The following PLEKHA6 variants were observed in gnomAD, a reference collection of about 807,000 sequenced individuals.
PLEKHA6 encodes pleckstrin homology domain containing A6.
A neutral mutation model predicts 116.7 loss-of-function variants in PLEKHA6; 60 were observed. That is an observed-to-expected ratio of 0.51 (90% confidence interval 0.42 to 0.64). The LOEUF (loss-of-function observed/expected upper bound fraction) is 0.64, where lower values mean the gene tolerates loss of function less well. Among genes scored for constraint, PLEKHA6 ranks in the 30% least tolerant of loss-of-function variants. PLEKHA6 has a pLI of 0.00. For missense variants in PLEKHA6, 1,338 were observed against 1,422.7 expected (o/e 0.94, Z 0.96); for synonymous variants, 489 against 556.1 (o/e 0.88, Z 1.70).
intron 1 of PLEKHA6, among the ~76,000 whole-genome samples, chr1:204,349,681 C>T (rs1572219413): frequency 6.6e-6 from 1 of 152,220 alleles, no homozygotes; most frequent in East Asian, 1.9e-4. Flanking sequence ...GGACTTGCTG[C>T]TTCTGGCCCT....
At position 204,228,060 on chromosome 1, in the gene PLEKHA6, G is replaced by C. The variant is rs1660612387; in HGVS notation, c.3031+23C>G. On this transcript the variant is annotated intron_variant, in intron 21 of 22. Transcript: ENST00000272203. This position sits in a 1 kb window ranked among gnomAD's most constrained non-coding sequence, Gnocchi z 4.0. ...GTCAGCTGGTTTCCCTGGCAGGGTG[G>C]AGCGAGGCCCAGCCCCTCTCACCAG... is the stretch of plus-strand genomic sequence containing the variant. 1 of 1,607,762 alleles carries C rather than the reference G, an allele frequency of 6.2e-7. No homozygotes were observed. Among genetic ancestry groups the C allele is most frequent in the Non-Finnish European group, 8.5e-7 (1 of 1,177,426 alleles).
chr1:204,260,763 C>T (rs890789691), intron 7 of PLEKHA6, among the ~76,000 whole-genome samples: 7 of 152,166 alleles, frequency 4.6e-5, no homozygotes, highest in Admixed American at 4.6e-4. Context: ...TGGGTGACGG[C>T]GGGCGATGGG....
rs1341352870 is a variant in PLEKHA6 at position 204,248,802 on chromosome 1, AC to A, written c.1824+18del. On this transcript the variant is annotated intron_variant, in intron 12 of 22. Coordinates refer to ENST00000272203, the MANE Select transcript of PLEKHA6 (RefSeq NM_014935.5). The stretch of plus-strand genomic sequence containing the variant: ...AGTGCTGATGAGGTGGGGTGCACGA[AC>A]CCCGCTCCCTGGGTTACCGTGGTCG... The A allele has an allele frequency of 3.7e-6, 6 of 1,611,086 alleles. No individual in the cohort carries two copies. The highest frequency in any genetic ancestry group is 5.1e-6 in the Non-Finnish European group (6 of 1,178,930).
chr1:204,315,517 A>G (rs955431203), intron 1 of PLEKHA6, among the ~76,000 whole-genome samples: 9 of 152,344 alleles, frequency 5.9e-5, no homozygotes, highest in African/African-American at 2.2e-4. Flanking sequence ...AGGGGAAGGC[A>G]GGTGGACACC....
intron 12 of PLEKHA6, among the ~76,000 whole-genome samples, chr1:204,248,399 C>G (rs1254753221): frequency 6.7e-6 from 1 of 148,318 alleles, no homozygotes; most frequent in Non-Finnish European, 1.5e-5. Context: ...GGTGATCCAC[C>G]CGCCTTGGCC....
chr1:204,228,525 T>C lies in PLEKHA6; in HGVS notation c.2885+203A>G, dbSNP rs1018331317. On this transcript the variant is annotated intron_variant, in intron 20 of 22. Transcript: ENST00000272203. The surrounding 1 kb of genome is among the most constrained non-coding windows in gnomAD (Gnocchi z 4.0). ...TCAGTTTTGTCTCGATGGTGTGGTG[T>C]GCACGAGCCTGGCAGGTCTTAGTAG... 6.6e-6 allele frequency among the ~76,000 whole-genome samples: 1 copy of C among 152,114 alleles called. No homozygotes were observed. Among genetic ancestry groups the C allele is most frequent in the African/African-American group, 2.4e-5 (1 of 41,404 alleles).
At chr1:204,252,707 C>T (rs773727970) in intron 9 of PLEKHA6, among the ~76,000 whole-genome samples, 18 of 152,212 alleles carry the variant, frequency 1.2e-4, no homozygotes, top group African/African-American at 3.6e-4. Context: ...TTTTAGGCAG[C>T]GGCCCACATA....
chr1:204,299,230 G>A (rs1306812525), intron 1 of PLEKHA6, among the ~76,000 whole-genome samples: 1 of 152,220 alleles, frequency 6.6e-6, no homozygotes, highest in Non-Finnish European at 1.5e-5. Context: ...CACATGGTTG[G>A]TATGAGGAAG....
At chr1:204,372,620 G>A (rs1038382096) in intron 1 of PLEKHA6, among the ~76,000 whole-genome samples, 3 of 151,968 alleles carry the variant, frequency 2.0e-5, no homozygotes, top group South Asian at 2.1e-4. Flanking sequence ...ATGAGATATC[G>A]AATAAACGCC....
chr1:204,248,720 C>T, intron 12 of PLEKHA6, 101 bp downstream of exon 12: 2 of 1,105,870 alleles, frequency 1.8e-6, no homozygotes, highest in Non-Finnish European at 2.6e-6. Context: ...AGCTCTTGTC[C>T]TCTGAGGAAA....
intron 9 of PLEKHA6, 22 bp from the exon 10 acceptor site, chr1:204,250,636 T>A (rs1242699215): frequency 6.3e-7 from 1 of 1,581,034 alleles, no homozygotes; most frequent in Admixed American, 1.7e-5. Flanking sequence ...TGAGGCCGGT[T>A]ACTGCAGCAG....
chr1:204,354,870 G>A (rs748532891), intron 1 of PLEKHA6, among the ~76,000 whole-genome samples: 18 of 152,254 alleles, frequency 1.2e-4, no homozygotes, highest in Non-Finnish European at 1.9e-4. Context: ...GCACACGGCC[G>A]TGCAGGGGCG....
chr1:204,235,001 T>G (rs1217266933), intron 17 of PLEKHA6, among the ~76,000 whole-genome samples: 1 of 23,616 alleles, frequency 4.2e-5, no homozygotes, highest in Non-Finnish European at 7.5e-5. Context: ...TATATATATA[T>G]ATATATATAT....
At chr1:204,296,304 C>G (rs1025591153) in intron 1 of PLEKHA6, among the ~76,000 whole-genome samples, 1 of 152,076 alleles carries the variant, frequency 6.6e-6, no homozygotes. Flanking sequence ...ATTTCTCTTT[C>G]CTCTCACACA....
chr1:204,265,107 G>C, intron 5 of PLEKHA6, 65 bp from the exon 6 acceptor site: 1 of 1,105,924 alleles, frequency 9.0e-7, no homozygotes, highest in Non-Finnish European at 1.4e-6. Context: ...GTGCGCCAGG[G>C]GTGGGGAGGA....
intron 1 of PLEKHA6, among the ~76,000 whole-genome samples, chr1:204,340,995 C>G (rs1040517880): frequency 6.6e-6 from 1 of 152,196 alleles, no homozygotes; most frequent in African/African-American, 2.4e-5. Context: ...ACTCTTCTCC[C>G]AGGGATGTGG....
intron 13 of PLEKHA6, among the ~76,000 whole-genome samples, chr1:204,246,836 A>T (rs977569171): frequency 4.6e-5 from 7 of 152,138 alleles, no homozygotes; most frequent in Admixed American, 2.6e-4. Context: ...TTATATTTAC[A>T]CGTCTGTTTT....
chr1:204,368,620 C>G (rs1323246379), intron 2 of PLEKHA6: 1 of 152,514 alleles, frequency 6.6e-6, no homozygotes, highest in African/African-American at 2.4e-5. Flanking sequence ...TCATCCTGCT[C>G]GCTCTCCCAA....
intron 1 of PLEKHA6, among the ~76,000 whole-genome samples, chr1:204,308,691 T>TTCTTTTC (rs1450576362): frequency 1.0e-5 from 1 of 96,016 alleles, no homozygotes; most frequent in African/African-American, 4.0e-5. Flanking sequence ...CTTTTTCTTT[T>TTCTTTTC]TTTTTTTTTT....
Sources: allele counts gnomAD v4.1 joint callset (sites outside exome capture counted in the v4.1 genomes callset), GRCh38; gene constraint gnomAD v4.1.1; non-coding constraint Gnocchi (gnomAD v3.1); transcripts MANE v1.5; gene names NCBI Gene and HGNC (gene_info 2026-07-23, HGNC 2026-07-21).